Variants in RGS9 observed in about 807,000 individuals in gnomAD.
The protein encoded by RGS9 is regulator of G-protein signalling 9.
RGS9 carries 78 observed loss-of-function variants against 102.0 expected under a neutral mutation model. The observed-to-expected ratio is 0.76, with a 90% CI of 0.64 to 0.92. The LOEUF (loss-of-function observed/expected upper bound fraction) is 0.92. RGS9 is among the 40% of genes least tolerant of loss of function. The probability of loss-of-function intolerance (pLI) is 0.00; values close to 1 mark genes in which losing one functional copy is unlikely to be tolerated. For synonymous variants in RGS9, 353 were observed against 318.6 expected (o/e 1.11, Z -1.15); for missense variants, 833 against 866.1 (o/e 0.96, Z 0.48).
chr17:65,207,744 G>T (rs1037740909), intron 15 of RGS9, among the ~76,000 whole-genome samples, 178 bp from the exon 16 acceptor site: 1 of 152,012 alleles, frequency 6.6e-6, no homozygotes, highest in African/African-American at 2.4e-5. Flanking sequence ...CTTCTGGAGG[G>T]GACCACACTT....
At chr17:65,152,777 C>A (rs747538523) in intron 1 of RGS9, among the ~76,000 whole-genome samples, 1 of 152,204 alleles carries the variant, frequency 6.6e-6, no homozygotes, top group African/African-American at 2.4e-5. Flanking sequence ...GCGATCCTCC[C>A]GCCTCTGCCT....
chr17:65,139,092 A>C (rs1471012532), intron 1 of RGS9, among the ~76,000 whole-genome samples: 3 of 69,580 alleles, frequency 4.3e-5, no homozygotes, highest in African/African-American at 1.7e-4. Flanking sequence ...CCCCTCCTCC[A>C]CCCCAGCTCT....
In RGS9 at chr17:65,156,302, C is replaced by A. The variant is rs552534171; in HGVS notation, c.155-1993C>A. Among the ~76,000 whole-genome samples the A allele has an allele frequency of 2.0e-5, 3 of 152,358 alleles. No homozygotes were observed. In the South Asian group the frequency reaches 6.2e-4, roughly 32 times the overall value. On this transcript the variant is annotated intron_variant, in intron 2 of 18. Coordinates refer to ENST00000262406, the MANE Select transcript of RGS9 (RefSeq NM_003835.4). ...CCTCCCAAAGTGCCGGGATTACAGG[C>A]ATGAGCCACCGCGCCCAGCCCAGAG...
rs1252115540 is a variant in RGS9, at chr17:65,153,452, C to A, written c.88C>A (p.Pro30Thr). 2 of 1,614,182 alleles carry A rather than the reference C, an allele frequency of 1.2e-6. No homozygotes were observed. Among genetic ancestry groups the A allele is most frequent in the South Asian group, 2.2e-5 (2 of 91,082 alleles). Residue 30 changes from proline to threonine, a missense_variant, in exon 2 of 19, where the codon CCA becomes ACA. Around this residue, in one of 3 missense-constraint regions of RGS9, gnomAD observed 328 missense variants for 340.6 expected, o/e 0.96. Coordinates refer to ENST00000262406, the MANE Select transcript of RGS9 (RefSeq NM_003835.4). ...AGCGCTCGTGAAGGACATGCAGAAC[C>A]CAGAGACAGGGGTCCGAATGCAGAA... is the stretch of plus-strand genomic sequence containing the variant. Reference protein sequence around the residue: ...IEALVKDMQNPETGVRMQNQR... With the variant: ...IEALVKDMQNTETGVRMQNQR...
At position 65,193,269 on chromosome 17, in the gene RGS9, AAG is replaced by A. The variant is rs1491495647; in HGVS notation, c.747-272_747-271del. Reference sequence around the variant, plus strand: ...TTGGCTGTCTCAAAAAAAAAAAAAAAAGAAAAAAAAGAAAAAGAAATAGGTAT... The same window carrying A: ...TTGGCTGTCTCAAAAAAAAAAAAAAAAAAAAAAAGAAAAAGAAATAGGTAT... On this transcript the variant is annotated intron_variant, in intron 11 of 18. Transcript: ENST00000262406. Among the ~76,000 whole-genome samples the A allele has an allele frequency of 6.7e-3, 1,017 of 151,070 alleles. 11 individuals are homozygous for A. The highest frequency in any genetic ancestry group is 0.023 in the African/African-American group (929 of 40,604).
chr17:65,194,220 T>C (rs1304552661), intron 12 of RGS9, among the ~76,000 whole-genome samples: 1 of 152,250 alleles, frequency 6.6e-6, no homozygotes, highest in Non-Finnish European at 1.5e-5. Flanking sequence ...TCTTGTAGCA[T>C]GGATCAGAAC....
At chr17:65,203,283 G>C (rs1466236798) in intron 14 of RGS9, among the ~76,000 whole-genome samples, 1 of 152,130 alleles carries the variant, frequency 6.6e-6, no homozygotes, top group Non-Finnish European at 1.5e-5. Flanking sequence ...GGGGGTGCGG[G>C]TGGGGTGCAG....
In RGS9 at chr17:65,160,882, G is replaced by A. The variant is rs1318138538; in HGVS notation, c.396G>A (p.Lys132=). The change falls in exon 6 of 19, where the codon AAG becomes AAA. Residue 132 remains lysine, a synonymous_variant. Transcript: ENST00000262406. ...AIYLAKRNIK[K]KGILEEYEKE... The stretch of plus-strand genomic sequence containing the variant: ...ATCTGGCCAAGCGAAATATCAAAAA[G>A]AAAGGGATTTTGGAAGAATATGAAA... 6.2e-7 allele frequency: 1 copy of A among 1,614,042 alleles called. No individual in the cohort carries two copies. The highest frequency in any genetic ancestry group is 1.7e-5 in the Admixed American group (1 of 60,028).
chr17:65,145,506 A>G (rs1448538069), intron 1 of RGS9, among the ~76,000 whole-genome samples: 1 of 150,406 alleles, frequency 6.6e-6, no homozygotes, highest in African/African-American at 2.4e-5. Context: ...CTCCTGCCTC[A>G]GCTCCTGAGT....
chr17:65,155,585 G>T (rs1910738138), intron 2 of RGS9, among the ~76,000 whole-genome samples: 1 of 152,102 alleles, frequency 6.6e-6, no homozygotes, highest in Non-Finnish European at 1.5e-5. Flanking sequence ...CTGTCTCCCA[G>T]GCTGGAGTGC....
At chr17:65,209,376 A>G (rs1016515136) in intron 16 of RGS9, among the ~76,000 whole-genome samples, 49 of 152,188 alleles carry the variant, frequency 3.2e-4, no homozygotes, top group Admixed American at 3.2e-3. Context: ...TCTTCTCCTT[A>G]AGATAGATAT....
chr17:65,156,091 T>C (rs1910757778), intron 2 of RGS9, among the ~76,000 whole-genome samples: 1 of 152,192 alleles, frequency 6.6e-6, no homozygotes, highest in Non-Finnish European at 1.5e-5. Context: ...TGGCACTATC[T>C]TGGCTCATTG....
At chr17:65,167,931 C>G (rs1911255881) in intron 7 of RGS9, among the ~76,000 whole-genome samples, 1 of 152,146 alleles carries the variant, frequency 6.6e-6, no homozygotes, top group Non-Finnish European at 1.5e-5. Context: ...CATTCACCCC[C>G]TCTTCATTTC....
chr17:65,155,681 C>A (rs1360403015), intron 2 of RGS9, among the ~76,000 whole-genome samples: 1 of 152,012 alleles, frequency 6.6e-6, no homozygotes, highest in Non-Finnish European at 1.5e-5. Context: ...GCTGGGATTA[C>A]CAGCTTGAGA....
chr17:65,203,544 C>T (rs1306188782), intron 14 of RGS9, among the ~76,000 whole-genome samples: 3 of 152,200 alleles, frequency 2.0e-5, no homozygotes, highest in Admixed American at 6.5e-5. Flanking sequence ...ATGAGTATTT[C>T]TAATTCAGCA....
chr17:65,168,281 T>C lies in RGS9; in HGVS notation c.582T>C (p.Pro194=), dbSNP rs1053823244. Residue 194 remains proline, a splice_region_variant and synonymous_variant, in exon 8 of 19, where the codon CCT becomes CCC. Transcript: ENST00000262406. ...CATACTGGCTGGTGCACCGATGCCC[T>C]GTGAGTATCCTCCTGCCTGGTGTCC... The part of the protein sequence containing the change: ...EKAYWLVHRC[P]PGMDNVLDYG... 5.0e-6 allele frequency: 8 copies of C among 1,601,246 alleles called. No homozygotes were observed. The South Asian group carries it at 5.6e-5, about 11-fold the overall frequency.
intron 7 of RGS9, among the ~76,000 whole-genome samples, chr17:65,163,660 T>C (rs969817996): frequency 1.3e-5 from 2 of 152,044 alleles, no homozygotes; most frequent in Admixed American, 1.3e-4. Flanking sequence ...GAAGGAATCG[T>C]AGAAATGGCA....
At chr17:65,175,718 T>C (rs192696342) in intron 8 of RGS9, among the ~76,000 whole-genome samples, 1 of 152,310 alleles carries the variant, frequency 6.6e-6, no homozygotes, top group Non-Finnish European at 1.5e-5. Flanking sequence ...CCCCACCCAC[T>C]TTCTATTGCC....
chr17:65,207,936 C>A lies in RGS9; in HGVS notation c.1218C>A (p.Arg406=). 1 of 1,612,110 alleles carries A rather than the reference C, an allele frequency of 6.2e-7. No homozygotes were observed. Among genetic ancestry groups the A allele is most frequent in the Non-Finnish European group, 8.5e-7 (1 of 1,178,450 alleles). Residue 406 remains arginine, a synonymous_variant, in exon 16 of 19, where the codon CGC becomes CGA. Coordinates refer to ENST00000262406, the MANE Select transcript of RGS9 (RefSeq NM_003835.4). ...GTTCCCACTAGGATTCTTATGCTCG[C>A]TATTTAAAATCTCCGATCTATAAGG... ...YMLMKKDSYA[R]YLKSPIYKDM...
Sources: allele counts gnomAD v4.1 joint callset (sites outside exome capture counted in the v4.1 genomes callset), GRCh38; gene constraint gnomAD v4.1.1; regional missense constraint gnomAD v4.1.1; transcripts MANE v1.5; gene names NCBI Gene and HGNC (gene_info 2026-07-23, HGNC 2026-07-21).